The following SHC1 variants were observed in gnomAD, a reference collection of about 807,000 sequenced individuals.
The protein encoded by SHC1 is SHC-transforming protein 1.
In SHC1, 30 loss-of-function variants were observed where a neutral mutation model predicts 55.9. The ratio of observed to expected loss-of-function variants is 0.54; its 90% CI spans 0.40 to 0.73. The LOEUF (loss-of-function observed/expected upper bound fraction) is 0.73. Among genes scored for constraint, SHC1 ranks in the 30% least tolerant of loss-of-function variants. The pLI, the probability that SHC1 is intolerant of heterozygous loss-of-function variation, is 0.00. For synonymous variants in SHC1, 309 were observed against 306.1 expected (o/e 1.01, Z -0.10); for missense variants, 675 against 777.1 (o/e 0.87, Z 1.56).
rs1200541771 is a variant in SHC1, at chr1:154,970,491, T to A, written c.36A>T (p.Pro12=). 1.2e-6 allele frequency: 2 copies of A among 1,610,752 alleles called. No individual in the cohort carries two copies. The highest frequency in any genetic ancestry group is 1.7e-6 in the Non-Finnish European group (2 of 1,179,084). ...GCGATGACAGAGACTCATTCCGGAG[T>A]GGATTGTACTTGGGCTTGGGGGGCA... The part of the protein sequence containing the change: ...DLLPPKPKYN[P]LRNESLSSLE... Residue 12 remains proline (P), a synonymous_variant, in exon 1 of 12, where the codon CCA becomes CCT. Coordinates refer to ENST00000448116, the MANE Select transcript of SHC1 (RefSeq NM_001130040.2). The surrounding 1 kb of genome is among the most constrained non-coding windows in gnomAD (Gnocchi z 5.5).
In SHC1 at chr1:154,965,597, A is replaced by G. The variant is rs774862256; in HGVS notation, c.1572T>C (p.Thr524=). 6.2e-7 allele frequency: 1 copy of G among 1,614,030 alleles called. No homozygotes were observed. Among genetic ancestry groups the G allele is most frequent in the African/African-American group, 1.3e-5 (1 of 74,908 alleles). The stretch of plus-strand genomic sequence containing the variant: ...GCTTAGGCTGCCCACTCTGCAAGCC[A>G]GTGAGCACATACTGGCCAGGTGTGG... ...STTTPGQYVL[T]GLQSGQPKHL... Residue 524 remains threonine, a synonymous_variant, in exon 11 of 12, where the codon ACT becomes ACC. Transcript: ENST00000448116.
chr1:154,968,316 G>T, intron 4 of SHC1, 59 bp from the exon 5 acceptor site: 1 of 1,587,388 alleles, frequency 6.3e-7, no homozygotes, highest in East Asian at 2.2e-5. Flanking sequence ...GGCAGCCTCA[G>T]GGCCCAGAAC....
At position 154,964,077 on chromosome 1, in the gene SHC1, C is replaced by G. The variant is rs1558049705; in HGVS notation, c.1627-146G>C. On this transcript the variant is annotated intron_variant, in intron 11 of 11. Coordinates refer to ENST00000448116, the MANE Select transcript of SHC1 (RefSeq NM_001130040.2). ...GAGAGTGTGGCCTGTCAATCCTGATCATTGAGGCTTCTCTAGAAAGAGACA... is the reference window on the plus strand; with the variant it reads ...GAGAGTGTGGCCTGTCAATCCTGATGATTGAGGCTTCTCTAGAAAGAGACA... 4.8e-6 allele frequency: 4 copies of G among 839,272 alleles called. No homozygotes were observed. In the Admixed American group the frequency reaches 6.9e-5, roughly 15 times the overall value. The allele number at this position is 839,272 out of a possible 1,614,324, so 52.0% of individuals were successfully genotyped here. A position where few individuals can be genotyped will look rare whatever the true frequency, so the allele number is the denominator to read the frequency against.
At chr1:154,966,776 G>A (rs760491164) in intron 7 of SHC1, among the ~76,000 whole-genome samples, 8 of 152,214 alleles carry the variant, frequency 5.3e-5, no homozygotes, top group African/African-American at 7.2e-5. Flanking sequence ...AAAGGCGGCC[G>A]AGCTCAGATT....
chr1:154,964,210 G>T, intron 11 of SHC1: 1 of 540,976 alleles, frequency 1.8e-6, no homozygotes, highest in East Asian at 4.8e-5. Flanking sequence ...GGAGGAAGTT[G>T]GCATGTCTCA....
intron 5 of SHC1, 41 bp from the exon 6 acceptor site, chr1:154,968,072 TC>T: frequency 1.2e-6 from 2 of 1,609,040 alleles, no homozygotes; most frequent in Non-Finnish European, 1.7e-6. Flanking sequence ...TCTACTTTAC[TC>T]CTGACCCCTA....
In SHC1 at chr1:154,966,329, C is replaced by T. The variant is rs1208711592; in HGVS notation, c.1172G>A (p.Gly391Glu). Residue 391 changes from glycine to glutamate, a missense_variant, in exon 8 of 12, where the codon GGA (glycine) becomes GAA (glutamate). By Grantham distance (98) the Gly-to-Glu change is moderately conservative. Around this residue, in one of 3 missense-constraint regions of SHC1, gnomAD observed 360 missense variants for 371.1 expected, o/e 0.97. Transcript: ENST00000448116. The stretch of plus-strand genomic sequence containing the variant: ...ATCCAAGCAACTTACCAATGTAGCT[C>T]CCAAGTGGCTGGGGGTCTGGGCATT... ...APNAQTPSHL[G>E]ATLPVGQPVG... The T allele has an allele frequency of 1.9e-6, 3 of 1,613,894 alleles. No homozygotes were observed. In the Admixed American group the frequency reaches 5.0e-5, roughly 27 times the overall value.
At position 154,962,690 on chromosome 1, in the gene SHC1, T is replaced by C. The variant is rs1341648909; in HGVS notation, c.*1113A>G. ...CCTAGGCGAGGAAAATGCCAAGAGC[T>C]GTAAAAGGGCTTGGAAAAGTCAAAA... On this transcript the variant is annotated 3_prime_UTR_variant, in exon 12 of 12. Coordinates refer to ENST00000448116, the MANE Select transcript of SHC1 (RefSeq NM_001130040.2). The C allele has an allele frequency of 2.6e-5, 4 of 152,622 alleles. No homozygotes were observed. The highest frequency in any genetic ancestry group is 7.2e-5 in the African/African-American group (3 of 41,452). 9.5% of individuals were successfully genotyped at this position (152,622 alleles called of 1,614,324 possible).
In SHC1 at chr1:154,965,318, T is replaced by G. The variant is rs1571425057; in HGVS notation, c.1626+225A>C. ...TCCCAAAGCGCTGGGATTACAGGTG[T>G]GAGCCACCACGCCTGGCCCTGTGCC... On this transcript the variant is annotated intron_variant, in intron 11 of 11. Transcript: ENST00000448116. The G allele has an allele frequency of 4.9e-6, 7 of 1,424,916 alleles. No homozygotes were observed. In the East Asian group the frequency reaches 1.5e-4, roughly 30 times the overall value. 88.3% of individuals were successfully genotyped at this position (1,424,916 alleles called of 1,614,324 possible). A position where few individuals can be genotyped will look rare whatever the true frequency, so the allele number is the denominator to read the frequency against.
intron 1 of SHC1, 129 bp from the exon 2 acceptor site, chr1:154,969,577 G>A (rs183899144): frequency 6.0e-4 from 399 of 659,960 alleles, no homozygotes; most frequent in Admixed American, 6.6e-4. Flanking sequence ...CCCACTTCCC[G>A]TGGCTACATC....
rs762373723 is a variant in SHC1, at chr1:154,963,495, A to T, written c.*308T>A. ...GTTCCACTGGGCCTGTCACCACAGG[A>T]CATTTTCCATGACAAGCACTCACCT... On this transcript the variant is annotated 3_prime_UTR_variant, in exon 12 of 12. Transcript: ENST00000448116. The T allele has an allele frequency of 8.8e-5, 26 of 295,938 alleles. No homozygotes were observed. The highest frequency in any genetic ancestry group is 1.6e-4 in the Non-Finnish European group (24 of 152,790). 18.3% of individuals were successfully genotyped at this position (295,938 alleles called of 1,614,324 possible).
At position 154,968,300 on chromosome 1, in the gene SHC1, G is replaced by A. The variant is rs1469624926; in HGVS notation, c.751-43C>T. 4 of 1,602,510 alleles carry A rather than the reference G, an allele frequency of 2.5e-6. No homozygotes were observed. In the African/African-American group the frequency reaches 4.0e-5, roughly 16 times the overall value. On this transcript the variant is annotated intron_variant, in intron 4 of 11. Transcript: ENST00000448116. Reference sequence around the variant, plus strand: ...GGATGAAGAAGGAAGGGAATGCCATGTGTCAGGCAGCCTCAGGGCCCAGAA... The same window carrying A: ...GGATGAAGAAGGAAGGGAATGCCATATGTCAGGCAGCCTCAGGGCCCAGAA...
At chr1:154,966,715 G>A (rs1227059541) in intron 7 of SHC1, among the ~76,000 whole-genome samples, 198 bp from the exon 8 acceptor site, 1 of 152,218 alleles carries the variant, frequency 6.6e-6, no homozygotes, top group Non-Finnish European at 1.5e-5. Flanking sequence ...TTTTACAGAT[G>A]AGGAAAATGA....
At position 154,970,212 on chromosome 1, in the gene SHC1, TA is replaced by T. The variant is rs1656574233; in HGVS notation, c.314del (p.Leu105HisfsTer7). On this transcript the variant is annotated frameshift_variant, in exon 1 of 12. Transcript: ENST00000448116. LOFTEE classifies it high-confidence loss of function. The surrounding 1 kb of genome is among the most constrained non-coding windows in gnomAD (Gnocchi z 5.5). ...VGAAMPDSGP[L>X]PLLQDMNKLS... ...GCTTGTTCATGTCCTGGAGGAGGGG[TA>T]GGGGGCCTGAGTCTGGCATGGCTGC... The T allele has an allele frequency of 2.5e-6, 4 of 1,613,042 alleles. No homozygotes were observed. Among genetic ancestry groups the T allele is most frequent in the Non-Finnish European group, 3.4e-6 (4 of 1,179,728 alleles).
chr1:154,967,677 T>G lies in SHC1; in HGVS notation c.977A>C (p.His326Pro). ...ACTCTCCCCACCTGCTCACCTGTCA[T>G]GAGGGGTGACCAGTTTGGGTGGGTT... ...LRNPPKLVTP[H>P]DRMAGFDGSA... is the part of the protein sequence containing the mutation. Residue 326 changes from histidine (H) to proline (P), a missense_variant, in exon 7 of 12, where the codon CAT (histidine) becomes CCT (proline). Transcript: ENST00000448116. The G allele has an allele frequency of 1.9e-6, 3 of 1,613,600 alleles. No homozygotes were observed.
At chr1:154,966,691 G>A (rs114637868) in intron 7 of SHC1, among the ~76,000 whole-genome samples, 174 bp from the exon 8 acceptor site, 60 of 152,314 alleles carry the variant, frequency 3.9e-4, no homozygotes, top group African/African-American at 1.2e-3. Context: ...GGTAGGTATT[G>A]TTTCCTTCCC....
In SHC1 at chr1:154,970,437, G is replaced by C. The variant is rs373996303; in HGVS notation, c.90C>G (p.Pro30=). The C allele has an allele frequency of 4.6e-5, 74 of 1,610,834 alleles. No individual in the cohort carries two copies. In the South Asian group the frequency reaches 4.7e-4, roughly 10 times the overall value. Residue 30 remains proline, a synonymous_variant, in exon 1 of 12, where the codon CCC becomes CCG. Coordinates refer to ENST00000448116, the MANE Select transcript of SHC1 (RefSeq NM_001130040.2). This position sits in a 1 kb window ranked among gnomAD's most constrained non-coding sequence, Gnocchi z 5.5. The part of the protein sequence containing the change: ...SLEEGASGST[P]PEELPSPSAS... ...CTGATGGGGAAGGCAGCTCCTCCGG[G>C]GGGGTGGACCCAGAAGCCCCTTCCT... is the stretch of plus-strand genomic sequence containing the variant.
At chr1:154,970,953 G>C (rs1444318494), upstream of SHC1, among the ~76,000 whole-genome samples, 1 of 152,134 alleles carries the variant, frequency 6.6e-6, no homozygotes, top group Non-Finnish European at 1.5e-5. The surrounding 1 kb of genome is among the most constrained non-coding windows in gnomAD (Gnocchi z 5.5). Context: ...TAGTAATCTG[G>C]GGAGAAGTAA....
At position 154,967,536 on chromosome 1, in the gene SHC1, A is replaced by G. The variant is rs1017667247; in HGVS notation, c.983+135T>C. 6 of 931,228 alleles carry G rather than the reference A, an allele frequency of 6.4e-6. No individual in the cohort carries two copies. The African/African-American group carries it at 9.9e-5, about 15-fold the overall frequency. The allele number at this position is 931,228 out of a possible 1,614,324, so 57.7% of individuals were successfully genotyped here. On this transcript the variant is annotated intron_variant, in intron 7 of 11. Coordinates refer to ENST00000448116, the MANE Select transcript of SHC1 (RefSeq NM_001130040.2). ...TTCCTCCTGGGCCACAGGAAACAGA[A>G]GAATAGCAGGAAGTGGGAAGCAGAG...
Sources: gnomAD v4.1 joint callset for allele counts (sites outside exome capture counted in the v4.1 genomes callset) on GRCh38, gnomAD v4.1.1 for gene constraint, gnomAD v4.1.1 regional missense constraint, Gnocchi (gnomAD v3.1) non-coding constraint, MANE v1.5 for transcripts, NCBI Gene and HGNC (gene_info 2026-07-23, HGNC 2026-07-21) for gene names.